Variants in TRAPPC9 observed in about 807,000 individuals in gnomAD.
The protein encoded by TRAPPC9 is trafficking protein particle complex subunit 9, also known as IKK2 binding protein.
A neutral mutation model predicts 124.0 loss-of-function variants in TRAPPC9; 83 were observed. That is an observed-to-expected ratio of 0.67 (90% CI 0.56 to 0.80). TRAPPC9 has a LOEUF of 0.80. TRAPPC9 is among the 30% of genes least tolerant of loss of function. TRAPPC9 has a pLI of 0.00. For missense variants in TRAPPC9, 1,302 were observed against 1,508.3 expected (o/e 0.86, Z 2.27); for synonymous variants, 638 against 617.5 (o/e 1.03, Z -0.49).
intron 7 of TRAPPC9, among the ~76,000 whole-genome samples, chr8:140,381,803 T>C (rs933681023): frequency 6.7e-5 from 10 of 148,794 alleles, no homozygotes; most frequent in Non-Finnish European, 1.3e-4. Context: ...AGATGGACAA[T>C]AACAAGTGTT....
chr8:140,013,796 AC>A (rs1839285165), intron 18 of TRAPPC9, among the ~76,000 whole-genome samples: 1 of 152,184 alleles, frequency 6.6e-6, no homozygotes, highest in Non-Finnish European at 1.5e-5. Context: ...AATTTTTCAG[AC>A]ACTTTATAAC....
At chr8:139,753,624 CTA>C (rs1819509212) in intron 21 of TRAPPC9, among the ~76,000 whole-genome samples, 1 of 152,206 alleles carries the variant, frequency 6.6e-6, no homozygotes. Context: ...CCAGATTTCT[CTA>C]TGCTCCCCTG....
intron 6 of TRAPPC9, among the ~76,000 whole-genome samples, chr8:140,401,815 G>A (rs536682194): frequency 2.0e-5 from 3 of 151,682 alleles, no homozygotes; most frequent in East Asian, 1.9e-4. Context: ...TTGTAGAGGC[G>A]GGGTTTTGCC....
chr8:139,915,312 T>A (rs1272299639), intron 19 of TRAPPC9, among the ~76,000 whole-genome samples: 1 of 152,170 alleles, frequency 6.6e-6, no homozygotes, highest in Admixed American at 6.5e-5. Flanking sequence ...AGTGGTGCAA[T>A]CTCTGCTCAC....
At chr8:140,283,835 G>A in intron 14 of TRAPPC9, 54 bp downstream of exon 14, 2 of 1,608,132 alleles carry the variant, frequency 1.2e-6, no homozygotes, top group East Asian at 2.2e-5. Context: ...AAAAATGTAG[G>A]ACCAAAAATG....
intron 21 of TRAPPC9, among the ~76,000 whole-genome samples, chr8:139,866,299 G>T (rs1034952144): frequency 1.3e-5 from 2 of 152,184 alleles, no homozygotes; most frequent in South Asian, 2.1e-4. Context: ...TGTCTCTCAG[G>T]TTCAATTTTA....
intron 20 of TRAPPC9, among the ~76,000 whole-genome samples, chr8:139,888,935 A>C (rs897729400): frequency 6.6e-6 from 1 of 152,164 alleles, no homozygotes; most frequent in Non-Finnish European, 1.5e-5. Context: ...TCCAGCAATC[A>C]TACTTCCAGG....
At chr8:139,892,669 G>A (rs559391300) in intron 20 of TRAPPC9, among the ~76,000 whole-genome samples, 1 of 152,160 alleles carries the variant, frequency 6.6e-6, no homozygotes, top group Non-Finnish European at 1.5e-5. Context: ...GGCTCCTAAG[G>A]TTGCCCCAGC....
chr8:140,302,440 G>A (rs2066006924), intron 10 of TRAPPC9, among the ~76,000 whole-genome samples: 1 of 152,218 alleles, frequency 6.6e-6, no homozygotes, highest in Admixed American at 6.5e-5. Context: ...GTCTGTAGCT[G>A]CAGAACTAAT....
chr8:140,428,640 CCTCATCTTTTGTTTATA>C (rs1253816638), intron 4 of TRAPPC9, among the ~76,000 whole-genome samples: 1 of 152,174 alleles, frequency 6.6e-6, no homozygotes, highest in Non-Finnish European at 1.5e-5. Flanking sequence ...CCTCTGTGAG[CCTCATCTTTTGTTTATA>C]TTTAGGGGCA....
At chr8:140,161,558 G>A (rs2061751825) in intron 17 of TRAPPC9, among the ~76,000 whole-genome samples, 1 of 152,000 alleles carries the variant, frequency 6.6e-6, no homozygotes, top group South Asian at 2.1e-4. Flanking sequence ...TGATACTTTT[G>A]ATAATCTGGT....
At chr8:140,206,123 C>T (rs2062911783) in intron 17 of TRAPPC9, among the ~76,000 whole-genome samples, 1 of 152,092 alleles carries the variant, frequency 6.6e-6, no homozygotes, top group African/African-American at 2.4e-5. Context: ...ATCTAAGTCA[C>T]CACATTAACA....
intron 5 of TRAPPC9, among the ~76,000 whole-genome samples, chr8:140,407,744 C>T (rs1402857388): frequency 6.6e-6 from 1 of 152,176 alleles, no homozygotes; most frequent in Non-Finnish European, 1.5e-5. Flanking sequence ...GCCTCAGCCT[C>T]CCAAGTAGCT....
intron 21 of TRAPPC9, among the ~76,000 whole-genome samples, chr8:139,780,701 T>G (rs1821751797): frequency 6.6e-6 from 1 of 152,004 alleles, no homozygotes; most frequent in East Asian, 1.9e-4. Context: ...AATTTAAAGC[T>G]TCTGCTCTGT....
chr8:140,202,164 A>AG (rs11405979), intron 17 of TRAPPC9, among the ~76,000 whole-genome samples: 1 of 52,008 alleles, frequency 1.9e-5, no homozygotes, highest in African/African-American at 7.1e-5. Flanking sequence ...TTCTGTAATT[A>AG]AAAAAAAAAA....
At chr8:139,755,974 G>T (rs1201353005) in intron 21 of TRAPPC9, among the ~76,000 whole-genome samples, 2 of 131,450 alleles carry the variant, frequency 1.5e-5, no homozygotes, top group Admixed American at 7.2e-5. Flanking sequence ...TTGGGGATGA[G>T]GACCGCAGGT....
chr8:139,930,677 A>G (rs1017195041), intron 19 of TRAPPC9, among the ~76,000 whole-genome samples: 1 of 152,164 alleles, frequency 6.6e-6, no homozygotes, highest in African/African-American at 2.4e-5. Context: ...GAGGGAACTT[A>G]TTTTGCAATG....
intron 16 of TRAPPC9, among the ~76,000 whole-genome samples, chr8:140,225,314 T>C (rs2063422429): frequency 6.6e-6 from 1 of 152,076 alleles, no homozygotes; most frequent in South Asian, 2.1e-4. Flanking sequence ...CAGGGTCAAA[T>C]CCAGTATTTA....
chr8:140,135,721 A>G lies in TRAPPC9; in HGVS notation c.2556+85738T>C, dbSNP rs150381162. 3.2e-3 allele frequency among the ~76,000 whole-genome samples: 480 copies of G among 152,370 alleles called. 2 individuals carry two copies. The highest frequency in any genetic ancestry group is 0.011 in the African/African-American group (461 of 41,580). On this transcript the variant is annotated intron_variant, in intron 17 of 22. Coordinates refer to ENST00000438773, the MANE Select transcript of TRAPPC9 (RefSeq NM_001160372.4). Reference sequence around the variant, plus strand: ...TTCTGGAAGTGGTGGCAAGAGTTGCATAACATGGTGAATGCAGTTAATGCC... The same window carrying G: ...TTCTGGAAGTGGTGGCAAGAGTTGCGTAACATGGTGAATGCAGTTAATGCC...
Sources: allele counts gnomAD v4.1 joint callset (sites outside exome capture counted in the v4.1 genomes callset), GRCh38; gene constraint gnomAD v4.1.1; transcripts MANE v1.5; gene names NCBI Gene and HGNC (gene_info 2026-07-23, HGNC 2026-07-21).